CDH4: variants seen among roughly 807,000 people sequenced by gnomAD.
CDH4 encodes the protein cadherin 4.
A neutral mutation model predicts 86.0 loss-of-function variants in CDH4; 33 were observed. That is an observed-to-expected ratio of 0.38 (90% CI 0.29 to 0.51). The LOEUF (loss-of-function observed/expected upper bound fraction) is 0.51, where lower values mean the gene tolerates loss of function less well. Among genes scored for constraint, CDH4 ranks in the 20% least tolerant of loss-of-function variants. The probability of loss-of-function intolerance (pLI) is 0.86; values close to 1 mark genes in which losing one functional copy is unlikely to be tolerated. For missense variants in CDH4, 1,114 were observed against 1,307.4 expected, an observed-to-expected ratio of 0.85 and a Z score of 2.28; for synonymous variants, 555 against 549.4, an observed-to-expected ratio of 1.01 and a Z score of -0.14.
At chr20:61,339,467 G>A (rs924949176) in intron 2 of CDH4, among the ~76,000 whole-genome samples, 10 of 152,192 alleles carry the variant, frequency 6.6e-5, no homozygotes, top group Non-Finnish European at 1.2e-4. Flanking sequence ...GCATGTGTGT[G>A]TGTGATCATT....
chr20:61,382,756 C>T (rs942991265), intron 2 of CDH4, among the ~76,000 whole-genome samples: 1 of 152,134 alleles, frequency 6.6e-6, no homozygotes, highest in Non-Finnish European at 1.5e-5. Context: ...ACCTCCATGG[C>T]CTTCTCCCTT....
intron 2 of CDH4, among the ~76,000 whole-genome samples, chr20:61,382,651 GCTT>G (rs1169692170): frequency 6.6e-6 from 1 of 152,200 alleles, no homozygotes; most frequent in Non-Finnish European, 1.5e-5. Context: ...TCCCCCTGAA[GCTT>G]CCGGGGAGGC....
intron 2 of CDH4, among the ~76,000 whole-genome samples, chr20:61,553,270 G>A (rs1473965840): frequency 6.6e-6 from 1 of 152,218 alleles, no homozygotes; most frequent in African/African-American, 2.4e-5. Flanking sequence ...TTGGTTTCCA[G>A]AGAATAAGGA....
intron 3 of CDH4, among the ~76,000 whole-genome samples, chr20:61,764,537 C>T (rs1568802697): frequency 1.3e-5 from 2 of 152,074 alleles, no homozygotes; most frequent in Non-Finnish European, 2.9e-5. Context: ...CCAGACCCCT[C>T]GAGCCATGGG....
intron 4 of CDH4, among the ~76,000 whole-genome samples, chr20:61,802,449 G>A (rs1979877395): frequency 2.6e-5 from 4 of 152,308 alleles, no homozygotes; most frequent in South Asian, 4.1e-4. Flanking sequence ...CCCCAAAATC[G>A]TGGGGGTGGC....
At chr20:61,641,648 C>G (rs1443544682) in intron 2 of CDH4, among the ~76,000 whole-genome samples, 2 of 150,102 alleles carry the variant, frequency 1.3e-5, no homozygotes, top group African/African-American at 4.9e-5. Flanking sequence ...CCACAGCACC[C>G]AGGACACCTA....
intron 2 of CDH4, among the ~76,000 whole-genome samples, chr20:61,326,868 C>T (rs969519786): frequency 6.6e-6 from 1 of 152,152 alleles, no homozygotes; most frequent in African/African-American, 2.4e-5. Flanking sequence ...TCTCAGTAAT[C>T]CTCAGACTCA....
chr20:61,723,878 G>GGGGGGTAGGTCCCCAT (rs2076162626), intron 2 of CDH4, among the ~76,000 whole-genome samples: 1 of 152,200 alleles, frequency 6.6e-6, no homozygotes, highest in South Asian at 2.1e-4. Flanking sequence ...CCATGCGGCA[G>GGGGGGTAGGTCCCCAT]GTGGGGTGGG....
In CDH4 at chr20:61,785,961, G is replaced by A. The variant is rs73917514; in HGVS notation, c.576+12779G>A. Among the ~76,000 whole-genome samples the A allele has an allele frequency of 8.1e-3, 1,238 of 152,270 alleles. 18 individuals are homozygous for A. Among genetic ancestry groups the A allele is most frequent in the African/African-American group, 0.027 (1,140 of 41,564 alleles). Reference sequence around the variant, plus strand: ...AGTCTCTGGGAAGAAACCAGTGGCCGGAGGTATCCCAGGAGCCAGCTTGAG... The same window carrying A: ...AGTCTCTGGGAAGAAACCAGTGGCCAGAGGTATCCCAGGAGCCAGCTTGAG... On this transcript the variant is annotated intron_variant, in intron 4 of 15. Transcript: ENST00000614565.
intron 2 of CDH4, among the ~76,000 whole-genome samples, chr20:61,484,451 C>T (rs747044162): frequency 4.6e-5 from 7 of 152,212 alleles, no homozygotes; most frequent in Non-Finnish European, 8.8e-5. Context: ...GCTGTTTCTC[C>T]AGCCTGCCCC....
intron 2 of CDH4, among the ~76,000 whole-genome samples, chr20:61,554,434 A>C (rs1323796846): frequency 6.6e-6 from 1 of 152,236 alleles, no homozygotes; most frequent in Non-Finnish European, 1.5e-5. Flanking sequence ...CCAAGAGTCC[A>C]AGCCCTATTT....
intron 2 of CDH4, among the ~76,000 whole-genome samples, chr20:61,569,192 C>T (rs921516268): frequency 1.3e-5 from 2 of 152,112 alleles, no homozygotes; most frequent in African/African-American, 4.8e-5. Flanking sequence ...ATATTGCTCG[C>T]CTTCTGGGGT....
chr20:61,836,493 T>C (rs1347363072), intron 4 of CDH4, among the ~76,000 whole-genome samples: 1 of 152,258 alleles, frequency 6.6e-6, no homozygotes, highest in East Asian at 1.9e-4. Context: ...GTGTCAATGT[T>C]ACACAACAAA....
At chr20:61,575,456 T>C (rs1294849355) in intron 2 of CDH4, among the ~76,000 whole-genome samples, 3 of 152,214 alleles carry the variant, frequency 2.0e-5, no homozygotes, top group African/African-American at 7.2e-5. Flanking sequence ...GGGTAGTCTA[T>C]AATGGTGGTA....
Position 61,902,628 on chromosome 20 carries a change from A to G in CDH4, c.1188+7581A>G, listed in dbSNP as rs889030554. On this transcript the variant is annotated intron_variant, in intron 8 of 15. Transcript: ENST00000614565. The surrounding 1 kb of genome is among the most constrained non-coding windows in gnomAD (Gnocchi z 4.6). ...ACTCCGCCATTGTAGGACAAAAACA[A>G]CCACAGACAAAACAGAAGCGAGTGG... is the stretch of plus-strand genomic sequence containing the variant. Among the ~76,000 whole-genome samples, 3 of 152,214 alleles carry G rather than the reference A, an allele frequency of 2.0e-5. No individual in the cohort carries two copies. Among genetic ancestry groups the G allele is most frequent in the Non-Finnish European group, 2.9e-5 (2 of 68,030 alleles).
intron 2 of CDH4, among the ~76,000 whole-genome samples, chr20:61,642,482 G>T (rs142974262): frequency 6.6e-6 from 1 of 152,212 alleles, no homozygotes; most frequent in Non-Finnish European, 1.5e-5. Flanking sequence ...GAACAGAGAG[G>T]TGGCCAGAGC....
At chr20:61,268,068 C>T (rs1428056876) in intron 2 of CDH4, among the ~76,000 whole-genome samples, 1 of 152,236 alleles carries the variant, frequency 6.6e-6, no homozygotes, top group Non-Finnish European at 1.5e-5. Context: ...TCTTTGTACC[C>T]CTAAGGGTCT....
chr20:61,893,442 G>T (rs949345065), intron 7 of CDH4, among the ~76,000 whole-genome samples: 4 of 151,848 alleles, frequency 2.6e-5, no homozygotes, highest in East Asian at 2.0e-4. Flanking sequence ...ATGGATGGGT[G>T]GGTGAATAGA....
chr20:61,511,302 T>C (rs2145613229), intron 2 of CDH4, among the ~76,000 whole-genome samples: 1 of 152,336 alleles, frequency 6.6e-6, no homozygotes, highest in East Asian at 1.9e-4. Context: ...TAGGGGCCAG[T>C]GGCCTGGAAG....
Sources: gnomAD v4.1 joint callset for allele counts (sites outside exome capture counted in the v4.1 genomes callset) on GRCh38, gnomAD v4.1.1 for gene constraint, Gnocchi (gnomAD v3.1) non-coding constraint, MANE v1.5 for transcripts, NCBI Gene and HGNC (gene_info 2026-07-23, HGNC 2026-07-21) for gene names.